The following C10orf67 variants were observed in gnomAD, a reference collection of about 807,000 sequenced individuals.
C10orf67 encodes the protein uncharacterized protein C10orf67, mitochondrial.
In C10orf67, 60 loss-of-function variants were observed where a neutral mutation model predicts 35.6. The ratio of observed to expected loss-of-function variants is 1.68; its 90% CI spans 1.37 to 2.09. The LOEUF is 2.09. Among genes scored for constraint, C10orf67 ranks in the 30% most tolerant of loss-of-function variants. The pLI is 0.00. For synonymous variants in C10orf67, 167 were observed against 115.8 expected (o/e 1.44, Z -2.84); for missense variants, 474 against 330.2 (o/e 1.44, Z -3.38).
At chr10:23,207,541 C>G (rs954160130) in intron 15 of C10orf67, among the ~76,000 whole-genome samples, 2 of 152,162 alleles carry the variant, frequency 1.3e-5, no homozygotes, top group African/African-American at 4.8e-5. Flanking sequence ...AATAAATTCT[C>G]TGGTCATTCA....
rs536455229 is a variant in C10orf67, at chr10:23,245,557, A to G, written c.1346+4898T>C. Among the ~76,000 whole-genome samples, 4 of 152,358 alleles carry G rather than the reference A, an allele frequency of 2.6e-5. No individual in the cohort carries two copies. The South Asian group carries it at 8.3e-4, about 32-fold the overall frequency. The stretch of plus-strand genomic sequence containing the variant: ...AAAAGTGAACAAAGGAACTGAATAG[A>G]CATTTCCCCAAAGAAGACACACAAA... On this transcript the variant is annotated intron_variant, in intron 12 of 15. Coordinates refer to ENST00000636213, the MANE Select transcript of C10orf67 (RefSeq NM_001371909.1).
At chr10:23,223,512 C>T in intron 15 of C10orf67, 86 bp downstream of exon 15, 1 of 704,810 alleles carries the variant, frequency 1.4e-6, no homozygotes, top group Non-Finnish European at 2.6e-6. Context: ...TACCAAATAC[C>T]TCAGGGTAAA....
At chr10:23,281,125 G>A (rs1034837766) in intron 8 of C10orf67, among the ~76,000 whole-genome samples, 6 of 151,978 alleles carry the variant, frequency 3.9e-5, no homozygotes, top group Admixed American at 2.0e-4. Context: ...AATTTTTTTC[G>A]TTGCCTGCAT....
chr10:23,201,984 T>C (rs527269190), downstream of C10orf67: 1 of 152,258 alleles, frequency 6.6e-6, no homozygotes, highest in Non-Finnish European at 1.5e-5. Flanking sequence ...CTAACTTTTA[T>C]TTACCTTGCA....
At position 23,297,954 on chromosome 10, in the gene C10orf67, G is replaced by A. The variant is rs144804310; in HGVS notation, c.702+5350C>T. ...AAGACTGCTACTGCCACCACTACCCGTAAACAATGAGGCCAACCCGGCCGG... is the reference window on the plus strand; with the variant it reads ...AAGACTGCTACTGCCACCACTACCCATAAACAATGAGGCCAACCCGGCCGG... On this transcript the variant is annotated intron_variant, in intron 5 of 15. Transcript: ENST00000636213. Among the ~76,000 whole-genome samples, 1,265 of 152,186 alleles carry A rather than the reference G, an allele frequency of 8.3e-3. 21 individuals are homozygous for A. Among genetic ancestry groups the A allele is most frequent in the African/African-American group, 0.029 (1,204 of 41,524 alleles).
At chr10:23,208,341 T>G (rs1216413187) in intron 15 of C10orf67, among the ~76,000 whole-genome samples, 3 of 152,216 alleles carry the variant, frequency 2.0e-5, no homozygotes, top group Non-Finnish European at 4.4e-5. Flanking sequence ...TTTAAAAACA[T>G]ACACACTGAA....
intron 10 of C10orf67, among the ~76,000 whole-genome samples, chr10:23,252,718 T>C (rs916486682): frequency 1.3e-5 from 2 of 152,218 alleles, no homozygotes; most frequent in Admixed American, 6.5e-5. Context: ...CAATTTTGTG[T>C]GCTAGCCTTT....
rs143977363 is a variant in C10orf67 at position 23,342,525 on chromosome 10, G to T, written c.206+2044C>A. Among the ~76,000 whole-genome samples, 1,236 of 152,220 alleles carry T rather than the reference G, an allele frequency of 8.1e-3. 18 individuals are homozygous for T. The highest frequency in any genetic ancestry group is 0.028 in the African/African-American group (1,158 of 41,538). ...TCAGTGGTTCTTTTGTTCAGCCAAA[G>T]AGCACCCGGCACCATCGGTCTGCTC... On this transcript the variant is annotated intron_variant, in intron 1 of 15. Coordinates refer to ENST00000636213, the MANE Select transcript of C10orf67 (RefSeq NM_001371909.1).
chr10:23,277,153 A>G (rs1843215081), intron 8 of C10orf67, among the ~76,000 whole-genome samples: 1 of 152,192 alleles, frequency 6.6e-6, no homozygotes, highest in Non-Finnish European at 1.5e-5. Flanking sequence ...TCACAAGTGG[A>G]CACTGGAGTT....
At chr10:23,213,157 G>A (rs1841353902) in intron 15 of C10orf67, among the ~76,000 whole-genome samples, 1 of 152,184 alleles carries the variant, frequency 6.6e-6, no homozygotes, top group Non-Finnish European at 1.5e-5. Context: ...TAGCTAAAGA[G>A]AGAATTTGAA....
At chr10:23,343,310 C>T (rs1458081268) in intron 1 of C10orf67, among the ~76,000 whole-genome samples, 1 of 151,996 alleles carries the variant, frequency 6.6e-6, no homozygotes, top group Non-Finnish European at 1.5e-5. Context: ...AGGGTGGGAG[C>T]GGGTGTGGGG....
chr10:23,273,724 G>C (rs1436233288), intron 8 of C10orf67, among the ~76,000 whole-genome samples: 4 of 152,188 alleles, frequency 2.6e-5, no homozygotes, highest in Non-Finnish European at 4.4e-5. Context: ...TAGAGCAATA[G>C]CTGGTCCACA....
intron 13 of C10orf67, among the ~76,000 whole-genome samples, chr10:23,226,613 G>T (rs1243734500): frequency 6.6e-6 from 1 of 151,956 alleles, no homozygotes; most frequent in African/African-American, 2.4e-5. Flanking sequence ...AGGAGATACA[G>T]ACGCAAAAAA....
chr10:23,308,063 T>C (rs1033699940), intron 4 of C10orf67, among the ~76,000 whole-genome samples: 1 of 152,200 alleles, frequency 6.6e-6, no homozygotes. Context: ...GCATTACGTA[T>C]CCAACAGATC....
chr10:23,334,240 A>G (rs1464999434), intron 1 of C10orf67, among the ~76,000 whole-genome samples: 2 of 152,220 alleles, frequency 1.3e-5, no homozygotes, highest in Non-Finnish European at 2.9e-5. Context: ...ATTATTCCTG[A>G]AAAATGTGAA....
At chr10:23,251,991 C>G (rs2132161162) in intron 10 of C10orf67, among the ~76,000 whole-genome samples, 1 of 152,250 alleles carries the variant, frequency 6.6e-6, no homozygotes, top group Non-Finnish European at 1.5e-5. Context: ...TGGACAATGG[C>G]AGCCCATTGA....
intron 13 of C10orf67, among the ~76,000 whole-genome samples, chr10:23,228,040 TTCCCA>T (rs1044545312): frequency 1.3e-5 from 2 of 152,160 alleles, no homozygotes; most frequent in African/African-American, 2.4e-5. Flanking sequence ...TTCAATGCCA[TTCCCA>T]TCAAGCTACC....
chr10:23,334,503 C>T (rs1018920560), intron 1 of C10orf67, among the ~76,000 whole-genome samples: 1 of 152,238 alleles, frequency 6.6e-6, no homozygotes, highest in South Asian at 2.1e-4. Context: ...AGAGCATACC[C>T]CCATGCGGGG....
At chr10:23,211,280 G>C (rs1346378459) in intron 15 of C10orf67, among the ~76,000 whole-genome samples, 1 of 152,082 alleles carries the variant, frequency 6.6e-6, no homozygotes, top group Non-Finnish European at 1.5e-5. Context: ...CCATCACATA[G>C]TGTCTCCCTG....
Sources: gnomAD v4.1 joint callset for allele counts (sites outside exome capture counted in the v4.1 genomes callset) on GRCh38, gnomAD v4.1.1 for gene constraint, MANE v1.5 for transcripts, NCBI Gene and HGNC (gene_info 2026-07-23, HGNC 2026-07-21) for gene names.